PAN3: variants seen among roughly 807,000 people sequenced by gnomAD.
The protein encoded by PAN3 is poly(A) specific ribonuclease subunit PAN3.
A neutral mutation model predicts 96.2 loss-of-function variants in PAN3; 19 were observed. That is an observed-to-expected ratio of 0.20 (90% CI 0.14 to 0.29). PAN3 has a LOEUF of 0.29. Among genes scored for constraint, PAN3 ranks in the 10% least tolerant of loss-of-function variants. The pLI is 1.00. For missense variants in PAN3, 882 were observed against 1,108.1 expected, an observed-to-expected ratio of 0.80 and a Z score of 2.90; for synonymous variants, 433 against 406.6, an observed-to-expected ratio of 1.06 and a Z score of -0.78.
chr13:28,182,621 T>C (rs1377692131), intron 4 of PAN3, among the ~76,000 whole-genome samples: 1 of 152,196 alleles, frequency 6.6e-6, no homozygotes, highest in Admixed American at 6.6e-5. Context: ...TTCTTGCTTT[T>C]AAAGCTTTTT....
chr13:28,274,571 TA>T (rs1454514766), intron 14 of PAN3, among the ~76,000 whole-genome samples: 1 of 151,670 alleles, frequency 6.6e-6, no homozygotes, highest in Non-Finnish European at 1.5e-5. Context: ...ATGAGTCGTG[TA>T]GTTACCTTGA....
At chr13:28,156,992 C>CAAAAAAA (rs35448291) in intron 1 of PAN3, among the ~76,000 whole-genome samples, 2 of 18,450 alleles carry the variant, frequency 1.1e-4, no homozygotes, top group Non-Finnish European at 2.2e-4. Flanking sequence ...GAGACCCTGT[C>CAAAAAAA]AAAAAAAAAA....
chr13:28,138,778 G>T lies in PAN3; in HGVS notation c.121G>T (p.Ala41Ser). Residue 41 changes from alanine to serine, a missense_variant, in exon 1 of 19, where the codon GCG (alanine) becomes TCG (serine). Ala to Ser is a moderately conservative substitution (Grantham distance 99). Transcript: ENST00000380958. ...GGTCGGGGGTGTCCCCGGCGGGGCGGCGGTAGGAGTGAAGCTGAAGTACTG... is the reference window on the plus strand; with the variant it reads ...GGTCGGGGGTGTCCCCGGCGGGGCGTCGGTAGGAGTGAAGCTGAAGTACTG... ...PGVGGVPGGA[A>S]VGVKLKYCRY... 5 of 1,379,052 alleles carry T rather than the reference G, an allele frequency of 3.6e-6. No homozygotes were observed. The highest frequency in any genetic ancestry group is 3.7e-6 in the Non-Finnish European group (4 of 1,070,748). 85.4% of individuals were successfully genotyped at this position (1,379,052 alleles called of 1,614,324 possible). A position where few individuals can be genotyped will look rare whatever the true frequency, so the allele number is the denominator to read the frequency against.
At chr13:28,286,006 T>C (rs777640598) in intron 17 of PAN3, among the ~76,000 whole-genome samples, 1 of 152,230 alleles carries the variant, frequency 6.6e-6, no homozygotes, top group Non-Finnish European at 1.5e-5. Context: ...GATACTTAGC[T>C]GTCCATTTGT....
chr13:28,276,098 A>G (rs1195117375), intron 14 of PAN3, among the ~76,000 whole-genome samples: 1 of 152,206 alleles, frequency 6.6e-6, no homozygotes, highest in East Asian at 1.9e-4. Context: ...CTGGCTGCAT[A>G]TTACCATCAT....
At chr13:28,271,053 G>A (rs985260205) in intron 13 of PAN3, among the ~76,000 whole-genome samples, 187 bp downstream of exon 13, 1 of 152,000 alleles carries the variant, frequency 6.6e-6, no homozygotes, top group African/African-American at 2.4e-5. Context: ...AAAATGCCTG[G>A]TTATTAACCA....
At chr13:28,251,960 T>C (rs1884768645) in intron 6 of PAN3, among the ~76,000 whole-genome samples, 1 of 151,488 alleles carries the variant, frequency 6.6e-6, no homozygotes, top group Non-Finnish European at 1.5e-5. Context: ...TGATCTCGGC[T>C]CACGGCAACC....
At chr13:28,234,407 A>G (rs1260344132) in intron 6 of PAN3, among the ~76,000 whole-genome samples, 3 of 152,152 alleles carry the variant, frequency 2.0e-5, no homozygotes, top group Non-Finnish European at 4.4e-5. Flanking sequence ...AAAATTTTTC[A>G]TGTTTTGGAG....
Position 28,289,604 on chromosome 13 carries a change from A to G in PAN3, c.2523+1482A>G, listed in dbSNP as rs149599335. The stretch of plus-strand genomic sequence containing the variant: ...TTTTAGAAAAGGTTGGGAAAAGGCT[A>G]GGCGCAGTAGCTCGCGCCTGTAATC... On this transcript the variant is annotated intron_variant, in intron 18 of 18. Coordinates refer to ENST00000380958, the MANE Select transcript of PAN3 (RefSeq NM_175854.8). 4.0e-3 allele frequency among the ~76,000 whole-genome samples: 613 copies of G among 152,302 alleles called. 3 individuals carry two copies. Among genetic ancestry groups the G allele is most frequent in the Non-Finnish European group, 5.8e-3 (392 of 68,020 alleles).
At chr13:28,255,738 A>G (rs1480802109) in intron 6 of PAN3, among the ~76,000 whole-genome samples, 1 of 151,756 alleles carries the variant, frequency 6.6e-6, no homozygotes, top group South Asian at 2.1e-4. Flanking sequence ...GCTGCTATGT[A>G]TTTCAACTTT....
At chr13:28,243,116 T>C (rs971564303) in intron 6 of PAN3, among the ~76,000 whole-genome samples, 1 of 152,262 alleles carries the variant, frequency 6.6e-6, no homozygotes, top group African/African-American at 2.4e-5. Flanking sequence ...CAGTTTTTTT[T>C]CCTGCCATCT....
chr13:28,155,786 T>C (rs1872075429), intron 1 of PAN3, among the ~76,000 whole-genome samples: 3 of 152,118 alleles, frequency 2.0e-5, no homozygotes, highest in African/African-American at 7.2e-5. Context: ...AGAGGTGATA[T>C]TTGAAATATT....
chr13:28,219,387 T>A (rs1213671468), intron 5 of PAN3, among the ~76,000 whole-genome samples: 2 of 152,172 alleles, frequency 1.3e-5, no homozygotes, highest in East Asian at 3.9e-4. Context: ...GTTAGCCTGG[T>A]GACTTGTTAC....
At chr13:28,257,718 T>TA (rs1566234938) in intron 7 of PAN3, among the ~76,000 whole-genome samples, 3 of 138,988 alleles carry the variant, frequency 2.2e-5, no homozygotes, top group Admixed American at 7.7e-5. Flanking sequence ...TTATATATAA[T>TA]TAATATATAT....
At chr13:28,280,353 A>G in intron 15 of PAN3, 59 bp from the exon 16 acceptor site, 1 of 1,543,020 alleles carries the variant, frequency 6.5e-7, no homozygotes, top group Non-Finnish European at 8.8e-7. Flanking sequence ...TGTTTGGGTT[A>G]TCTTGTTTTT....
chr13:28,288,482 A>G lies in PAN3; in HGVS notation c.2523+360A>G, dbSNP rs545643359. Among the ~76,000 whole-genome samples, 15 of 152,170 alleles carry G rather than the reference A, an allele frequency of 9.9e-5. No individual in the cohort carries two copies. In the South Asian group the frequency reaches 3.1e-3, roughly 32 times the overall value. On this transcript the variant is annotated intron_variant, in intron 18 of 18. Transcript: ENST00000380958. Reference sequence around the variant, plus strand: ...GCGCAGCTAATCTTTAGTAGCGACAAGGTTTCACCATGTTGGCCAGGCTGG... The same window carrying G: ...GCGCAGCTAATCTTTAGTAGCGACAGGGTTTCACCATGTTGGCCAGGCTGG...
intron 5 of PAN3, chr13:28,215,853 G>T: frequency 2.9e-6 from 4 of 1,390,690 alleles, no homozygotes; most frequent in Non-Finnish European, 4.0e-6. Context: ...TGCTGGAGCT[G>T]GCAAGGTCAC....
chr13:28,289,891 A>AG (rs1869525493), intron 18 of PAN3, among the ~76,000 whole-genome samples: 1 of 152,204 alleles, frequency 6.6e-6, no homozygotes, highest in Non-Finnish European at 1.5e-5. Flanking sequence ...CAAAAAAAAA[A>AG]GAAAGAAAAG....
At chr13:28,227,473 T>C (rs1458579593) in intron 6 of PAN3, among the ~76,000 whole-genome samples, 1 of 152,178 alleles carries the variant, frequency 6.6e-6, no homozygotes, top group Admixed American at 6.5e-5. Flanking sequence ...GCAAAGTCTC[T>C]TGCTGCTCTT....
Sources: gnomAD v4.1 joint callset for allele counts (sites outside exome capture counted in the v4.1 genomes callset) on GRCh38, gnomAD v4.1.1 for gene constraint, MANE v1.5 for transcripts, NCBI Gene and HGNC (gene_info 2026-07-23, HGNC 2026-07-21) for gene names.